The following ETNPPL variants were observed in gnomAD, a reference collection of about 807,000 sequenced individuals.
ETNPPL encodes the protein ethanolamine-phosphate phospho-lyase.
ETNPPL carries 30 observed loss-of-function variants against 55.5 expected under a neutral mutation model. That is an observed-to-expected ratio of 0.54 (90% CI 0.40 to 0.73). The LOEUF is 0.73. Ranked by LOEUF, ETNPPL falls within the 30% of genes least tolerant of loss-of-function variation. ETNPPL has a pLI of 0.00. For missense variants in ETNPPL, 528 were observed against 607.9 expected (o/e 0.87, Z 1.38); for synonymous variants, 202 against 207.2 (o/e 0.98, Z 0.21).
intron 3 of ETNPPL, among the ~76,000 whole-genome samples, chr4:108,758,172 A>C (rs1729316044): frequency 6.6e-6 from 1 of 151,768 alleles, no homozygotes; most frequent in African/African-American, 2.4e-5. Flanking sequence ...TTGTATTTTT[A>C]GTAGAGACAG....
intron 4 of ETNPPL, among the ~76,000 whole-genome samples, chr4:108,755,394 G>C (rs1729148709): frequency 1.3e-5 from 2 of 151,926 alleles, no homozygotes; most frequent in African/African-American, 4.8e-5. Flanking sequence ...CATCAGCCTT[G>C]GCAAAGAATT....
At chr4:108,752,835 AAC>A in intron 6 of ETNPPL, 58 bp downstream of exon 6, 1 of 959,912 alleles carries the variant, frequency 1.0e-6, no homozygotes, top group Non-Finnish European at 1.6e-6. Context: ...AGTGAATCCC[AAC>A]AGTTTTAATC....
chr4:108,755,657 A>T (rs1729162468), intron 4 of ETNPPL, among the ~76,000 whole-genome samples: 1 of 152,194 alleles, frequency 6.6e-6, no homozygotes, highest in Non-Finnish European at 1.5e-5. Context: ...TCTCTACTAA[A>T]AATACAAAAA....
chr4:108,757,709 C>T (rs767778866), intron 3 of ETNPPL, among the ~76,000 whole-genome samples: 32 of 152,040 alleles, frequency 2.1e-4, no homozygotes, highest in Admixed American at 8.5e-4. Context: ...GAGGCTGAAG[C>T]GGGCAGATTG....
intron 6 of ETNPPL, 124 bp downstream of exon 6, chr4:108,752,771 G>GT (rs1728973032): frequency 3.1e-6 from 2 of 648,188 alleles, no homozygotes; most frequent in East Asian, 2.7e-5. Context: ...AAGTGAAAAC[G>GT]TAACTAGAGA....
chr4:108,755,332 G>A (rs1729147344), intron 4 of ETNPPL, among the ~76,000 whole-genome samples: 2 of 152,042 alleles, frequency 1.3e-5, no homozygotes, highest in East Asian at 3.9e-4. Flanking sequence ...TTAAATTTAA[G>A]ACTTAAAACT....
intron 5 of ETNPPL, among the ~76,000 whole-genome samples, chr4:108,753,860 AACAC>A (rs1729067503): frequency 6.6e-6 from 1 of 151,944 alleles, no homozygotes; most frequent in African/African-American, 2.4e-5. Context: ...AGTTAAGACA[AACAC>A]ACCAAATAAA....
At chr4:108,745,150 C>A (rs958887957) in intron 11 of ETNPPL, among the ~76,000 whole-genome samples, 38 of 148,314 alleles carry the variant, frequency 2.6e-4, no homozygotes, top group Admixed American at 1.6e-3. Context: ...ATGTTCATAA[C>A]AAAAAAATAA....
At chr4:108,755,006 A>AT (rs1729129190) in intron 4 of ETNPPL, among the ~76,000 whole-genome samples, 1 of 152,194 alleles carries the variant, frequency 6.6e-6, no homozygotes, top group Non-Finnish European at 1.5e-5. Context: ...GCTAAATTAG[A>AT]TTGTCTAAAT....
At chr4:108,751,075 A>C in intron 6 of ETNPPL, 57 bp from the exon 7 acceptor site, 2 of 1,192,566 alleles carry the variant, frequency 1.7e-6, no homozygotes, top group Non-Finnish European at 2.5e-6. Flanking sequence ...CCCCCCTAAA[A>C]AGAGTATATC....
chr4:108,746,847 T>C lies in ETNPPL; in HGVS notation c.1087A>G (p.Ile363Val). ...KHTLIGDIRG[I>V]GLFIGIDLVK... The stretch of plus-strand genomic sequence containing the variant: ...AAATCAATTCCAATAAAAAGGCCAA[T>C]GCCCCTGCGAGAGGTGAAGAAAAAC... Residue 363 changes from isoleucine to valine, a missense_variant, in exon 10 of 13, where the codon ATT (isoleucine) becomes GTT (valine). Ile to Val is a conservative substitution (Grantham distance 29). Transcript: ENST00000296486. 1 of 1,612,818 alleles carries C rather than the reference T, an allele frequency of 6.2e-7. No individual in the cohort carries two copies. Among genetic ancestry groups the C allele is most frequent in the Non-Finnish European group, 8.5e-7 (1 of 1,179,006 alleles).
chr4:108,750,625 A>ATATATATATATATATATATATATATC lies in ETNPPL; in HGVS notation c.701+310_701+311insGATATATATATATATATATATATATA, dbSNP rs1553933962. Among the ~76,000 whole-genome samples, 728 of 122,916 alleles carry ATATATATATATATATATATATATATC rather than the reference A, an allele frequency of 5.9e-3. 31 individuals are homozygous for ATATATATATATATATATATATATATC. The South Asian group carries it at 0.063, about 11-fold the overall frequency. 80.6% of individuals were successfully genotyped at this position (122,916 alleles called of 152,430 possible). On this transcript the variant is annotated intron_variant, in intron 7 of 12. Coordinates refer to ENST00000296486, the MANE Select transcript of ETNPPL (RefSeq NM_031279.4). ...TATGATATATATAGGATATATATAT[A>ATATATATATATATATATATATATATC]TCCTATTAGTTTGGTCCCTCTAGAG...
chr4:108,743,403 C>T (rs1489463462), intron 12 of ETNPPL, among the ~76,000 whole-genome samples: 1 of 152,166 alleles, frequency 6.6e-6, no homozygotes, highest in Non-Finnish European at 1.5e-5. Flanking sequence ...TCAGAACCTC[C>T]CTACTAATGC....
At chr4:108,762,214 G>A in intron 1 of ETNPPL, 1 of 371,526 alleles carries the variant, frequency 2.7e-6, no homozygotes, top group Non-Finnish European at 5.3e-6. Flanking sequence ...TAAGTCGTTT[G>A]TGACGGGGGC....
intron 7 of ETNPPL, 64 bp downstream of exon 7, chr4:108,750,872 A>G: frequency 8.8e-7 from 1 of 1,137,308 alleles, no homozygotes; most frequent in African/African-American, 1.5e-5. Context: ...AGCAACTAGT[A>G]TGGCCCTACA....
Position 108,760,318 on chromosome 4 carries a change from C to A in ETNPPL, c.57-12G>T. The A allele has an allele frequency of 2.7e-6, 4 of 1,474,214 alleles. No individual in the cohort carries two copies. The highest frequency in any genetic ancestry group is 1.2e-5 in the South Asian group (1 of 86,704). 91.3% of individuals were successfully genotyped at this position (1,474,214 alleles called of 1,614,324 possible). A position where few individuals can be genotyped will look rare whatever the true frequency, so the allele number is the denominator to read the frequency against. On this transcript the variant is annotated splice_polypyrimidine_tract_variant and intron_variant, in intron 1 of 12. Transcript: ENST00000296486. Reference sequence around the variant, plus strand: ...CTTTGCATGAGGGCCTAGAAATAATCAAAGGAAACACTTTGGTCTGGTAGG... The same window carrying A: ...CTTTGCATGAGGGCCTAGAAATAATAAAAGGAAACACTTTGGTCTGGTAGG...
chr4:108,747,945 T>A, intron 9 of ETNPPL, 60 bp downstream of exon 9: 1 of 1,433,688 alleles, frequency 7.0e-7, no homozygotes, highest in South Asian at 1.2e-5. Context: ...GCCCAGCCTA[T>A]AAACTATTAT....
intron 3 of ETNPPL, among the ~76,000 whole-genome samples, chr4:108,758,761 G>T (rs1346474258): frequency 2.0e-5 from 3 of 152,176 alleles, no homozygotes; most frequent in Non-Finnish European, 4.4e-5. Context: ...CATCTCTTGG[G>T]GCTCCTTCTG....
chr4:108,743,939 T>C, intron 11 of ETNPPL, 83 bp from the exon 12 acceptor site: 1 of 847,546 alleles, frequency 1.2e-6, no homozygotes, highest in Non-Finnish European at 2.0e-6. Context: ...TAGCAATACC[T>C]TTAATGAAGA....
Sources: allele counts gnomAD v4.1 joint callset (sites outside exome capture counted in the v4.1 genomes callset), GRCh38; gene constraint gnomAD v4.1.1; transcripts MANE v1.5; gene names NCBI Gene and HGNC (gene_info 2026-07-23, HGNC 2026-07-21).